The following LAMP2 variants were observed in gnomAD, a reference collection of about 807,000 sequenced individuals.
LAMP2 encodes lysosome-associated membrane glycoprotein 2.
Under a neutral mutation model 25.6 loss-of-function variants are expected in LAMP2, and 4 were observed. The ratio of observed to expected loss-of-function variants is 0.16; its 90% CI spans 0.08 to 0.36. The LOEUF is 0.36. LAMP2 is among the 10% of genes least tolerant of loss of function. The pLI is 1.00. For synonymous variants in LAMP2, 108 were observed against 112.7 expected (o/e 0.96, Z 0.27); for missense variants, 272 against 301.4 (o/e 0.90, Z 0.72).
intron 8 of LAMP2, chrX:120,437,344 A>T (rs1182361428): frequency 1.3e-5 from 10 of 743,572 alleles, no homozygotes; most frequent in Non-Finnish European, 1.3e-5. Context: ...GATCCATTCA[A>T]TGTCAATATT....
At chrX:120,443,333 G>T (rs1208367641) in intron 6 of LAMP2, among the ~76,000 whole-genome samples, 2 of 111,992 alleles carry the variant, frequency 1.8e-5, no homozygotes, top group Non-Finnish European at 3.8e-5. Context: ...GGGAAAAGGG[G>T]TATTTGAGAG....
Position 120,429,200 on chromosome X carries a change from C to T in LAMP2, c.*2123G>A. The T allele has an allele frequency of 5.3e-6, 4 of 750,826 alleles. No individual in the cohort carries two copies. Among genetic ancestry groups the T allele is most frequent in the Non-Finnish European group, 6.3e-6 (4 of 638,634 alleles). 61.9% of individuals were successfully genotyped at this position (750,826 alleles called of 1,213,427 possible). A position where few individuals can be genotyped will look rare whatever the true frequency, so the allele number is the denominator to read the frequency against. On this transcript the variant is annotated 3_prime_UTR_variant, in exon 9 of 9. Coordinates refer to ENST00000200639, the MANE Select transcript of LAMP2 (RefSeq NM_002294.3). ...TACACACACACACAATTATTTTTAG[C>T]TGAGCGGTGGCCTGGAAGAATAACA...
chrX:120,429,817 G>A lies in LAMP2; in HGVS notation c.*1506C>T. 1.3e-6 allele frequency: 1 copy of A among 753,026 alleles called. No individual in the cohort carries two copies. The highest frequency in any genetic ancestry group is 1.6e-6 in the Non-Finnish European group (1 of 638,384). 62.1% of individuals were successfully genotyped at this position (753,026 alleles called of 1,213,427 possible). On this transcript the variant is annotated 3_prime_UTR_variant, in exon 9 of 9. Coordinates refer to ENST00000200639, the MANE Select transcript of LAMP2 (RefSeq NM_002294.3). ...CTCAATGAATTTCACTCCCCTTTCT[G>A]TAAATAATCGTTAAGGTCCTTTCCA...
rs1251315541 is a variant in LAMP2 at position 120,428,980 on chromosome X, G to A, written c.*2343C>T. On this transcript the variant is annotated 3_prime_UTR_variant, in exon 9 of 9. Transcript: ENST00000200639. Reference sequence around the variant, plus strand: ...GTATTTCCCTACTCTCTTTCTCTTCGTCACACCTATAATTAAAGTATAAAT... The same window carrying A: ...GTATTTCCCTACTCTCTTTCTCTTCATCACACCTATAATTAAAGTATAAAT... The A allele has an allele frequency of 7.4e-6, 5 of 676,771 alleles. No homozygotes were observed. Among genetic ancestry groups the A allele is most frequent in the African/African-American group, 4.9e-5 (2 of 40,498 alleles). 55.8% of individuals were successfully genotyped at this position (676,771 alleles called of 1,213,427 possible). A position where few individuals can be genotyped will look rare whatever the true frequency, so the allele number is the denominator to read the frequency against.
intron 8 of LAMP2, among the ~76,000 whole-genome samples, chrX:120,433,224 A>G (rs1417413523): frequency 9.0e-6 from 1 of 111,634 alleles, no homozygotes; most frequent in Non-Finnish European, 1.9e-5. Flanking sequence ...CTCTAGCAAT[A>G]TGAAGGGTGG....
In LAMP2 at chrX:120,443,368, T is replaced by C. The variant is rs189706376; in HGVS notation, c.865-706A>G. ...GAGCAAGAGTATAAATAACGGTAGT[T>C]AGAAAATAAGCATAATCTCAAATTT... On this transcript the variant is annotated intron_variant, in intron 6 of 8. Coordinates refer to ENST00000200639, the MANE Select transcript of LAMP2 (RefSeq NM_002294.3). Among the ~76,000 whole-genome samples the C allele has an allele frequency of 1.1e-3, 125 of 111,718 alleles. 1 individual carries two copies. Among genetic ancestry groups the C allele is most frequent in the Middle Eastern group, 4.6e-3 (1 of 219 alleles).
At position 120,431,025 on chromosome X, in the gene LAMP2, C is replaced by T. The variant is rs2058520665; in HGVS notation, c.*298G>A. On this transcript the variant is annotated 3_prime_UTR_variant, in exon 9 of 9. Transcript: ENST00000200639. Reference sequence around the variant, plus strand: ...GCCATGTTAATAAGTTCAAGGCATACTTCAAGGTTAGGATCAAAATTTGGC... The same window carrying T: ...GCCATGTTAATAAGTTCAAGGCATATTTCAAGGTTAGGATCAAAATTTGGC... The T allele has an allele frequency of 1.1e-6, 1 of 909,609 alleles. No individual in the cohort carries two copies. The allele number at this position is 909,609 out of a possible 1,213,427, so 75.0% of individuals were successfully genotyped here.
Position 120,442,669 on chromosome X carries a change from G to GA in LAMP2, c.865-8dup, listed in dbSNP as rs746330494. On this transcript the variant is annotated splice_polypyrimidine_tract_variant and splice_region_variant and intron_variant, in intron 6 of 8. Transcript: ENST00000200639. ...AAAATCGGTTTTCATTTTTCTGTTT[G>GA]AAAAAGAGCTTCCAGTTAATTAACA... is the stretch of plus-strand genomic sequence containing the variant. The GA allele has an allele frequency of 5.9e-6, 7 of 1,182,533 alleles. No homozygotes were observed. The Admixed American group carries it at 1.5e-4, about 26-fold the overall frequency.
chrX:120,436,887 G>A, intron 8 of LAMP2: 1 of 737,729 alleles, frequency 1.4e-6, no homozygotes, highest in Non-Finnish European at 1.6e-6. Context: ...TAATCTGAAT[G>A]TAGAAACTTT....
intron 6 of LAMP2, 136 bp downstream of exon 6, chrX:120,446,169 A>C: frequency 1.7e-6 from 1 of 575,311 alleles, no homozygotes; most frequent in Non-Finnish European, 3.0e-6. Flanking sequence ...ACAGGGATGA[A>C]TGGACTACAC....
chrX:120,469,337 G>A (rs1921681730), upstream of LAMP2: 5 of 485,974 alleles, frequency 1.0e-5, no homozygotes, highest in Admixed American at 3.4e-5. Context: ...GACTAGGGGC[G>A]GGGCTCTTTC....
chrX:120,429,272 G>A lies in LAMP2; in HGVS notation c.*2051C>T, dbSNP rs933860298. ...TCCATTCCACCGAACCACCAGGAAAGCAACATGTGCAATGTAGATTTTGAG... is the reference window on the plus strand; with the variant it reads ...TCCATTCCACCGAACCACCAGGAAAACAACATGTGCAATGTAGATTTTGAG... On this transcript the variant is annotated 3_prime_UTR_variant, in exon 9 of 9. Coordinates refer to ENST00000200639, the MANE Select transcript of LAMP2 (RefSeq NM_002294.3). 85 of 744,766 alleles carry A rather than the reference G, an allele frequency of 1.1e-4. No individual in the cohort carries two copies. In the African/African-American group the frequency reaches 2.2e-3, roughly 19 times the overall value. 61.4% of individuals were successfully genotyped at this position (744,766 alleles called of 1,213,427 possible).
At position 120,430,160 on chromosome X, in the gene LAMP2, T is replaced by C; in HGVS notation, c.*1163A>G. 2 of 748,816 alleles carry C rather than the reference T, an allele frequency of 2.7e-6. No homozygotes were observed. Among genetic ancestry groups the C allele is most frequent in the Non-Finnish European group, 3.2e-6 (2 of 633,934 alleles). The allele number at this position is 748,816 out of a possible 1,213,427, so 61.7% of individuals were successfully genotyped here. A position where few individuals can be genotyped will look rare whatever the true frequency, so the allele number is the denominator to read the frequency against. On this transcript the variant is annotated 3_prime_UTR_variant, in exon 9 of 9. Transcript: ENST00000200639. ...ATACAATGGGTTAATAATACTTCAA[T>C]GTGGAAGTCTTCTAGTCTATTAAGC...
intron 3 of LAMP2, among the ~76,000 whole-genome samples, chrX:120,453,534 G>A (rs1041179311): frequency 1.8e-5 from 2 of 112,388 alleles, no homozygotes; most frequent in African/African-American, 6.5e-5. Flanking sequence ...TCTCGACCAC[G>A]TGCGGTGGCT....
At chrX:120,464,723 T>C (rs1921463032) in intron 1 of LAMP2, among the ~76,000 whole-genome samples, 1 of 111,753 alleles carries the variant, frequency 8.9e-6, no homozygotes. Flanking sequence ...TCCTTTCTCA[T>C]TACCTGTGTA....
In LAMP2 at chrX:120,427,257, C is replaced by A. The variant is rs2058502469; in HGVS notation, c.*4066G>T. 9.0e-6 allele frequency among the ~76,000 whole-genome samples: 1 copy of A among 111,486 alleles called. No homozygotes were observed. Among genetic ancestry groups the A allele is most frequent in the Non-Finnish European group, 1.9e-5 (1 of 53,068 alleles). ...TAAAATAGCTTGATAAAATAAACAT[C>A]TGCCTTATACTAATGACAGGTGTAC... is the stretch of plus-strand genomic sequence containing the variant. On this transcript the variant is annotated 3_prime_UTR_variant, in exon 9 of 9. Transcript: ENST00000200639.
chrX:120,440,639 C>T (rs1263157521), intron 8 of LAMP2, among the ~76,000 whole-genome samples: 4 of 112,006 alleles, frequency 3.6e-5, no homozygotes, highest in Non-Finnish European at 7.5e-5. Flanking sequence ...GATACTAATA[C>T]TGCAAACGAT....
At chrX:120,454,526 G>A (rs992046424) in intron 3 of LAMP2, among the ~76,000 whole-genome samples, 3 of 110,361 alleles carry the variant, frequency 2.7e-5, no homozygotes, top group Middle Eastern at 4.6e-3. Context: ...TGTGAGGCAT[G>A]AGGATCGCTT....
chrX:120,437,269 C>T (rs1354612201), intron 8 of LAMP2: 1 of 723,047 alleles, frequency 1.4e-6, no homozygotes, highest in Non-Finnish European at 1.6e-6. Flanking sequence ...ATAAAAATAC[C>T]CATGCTAGCA....
Sources: gnomAD v4.1 joint callset for allele counts (sites outside exome capture counted in the v4.1 genomes callset) on GRCh38, gnomAD v4.1.1 for gene constraint, MANE v1.5 for transcripts, NCBI Gene and HGNC (gene_info 2026-07-23, HGNC 2026-07-21) for gene names.